MED12L: variants seen among roughly 807,000 people sequenced by gnomAD.
MED12L encodes mediator complex subunit 12L, also known as mediator of RNA polymerase II transcription subunit 12-like protein.
Under a neutral mutation model 281.3 loss-of-function variants are expected in MED12L, and 60 were observed. The observed-to-expected ratio is 0.21, with a 90% CI of 0.17 to 0.26. The LOEUF (loss-of-function observed/expected upper bound fraction) is 0.26, where lower values mean the gene tolerates loss of function less well. MED12L is among the 10% of genes least tolerant of loss of function. The pLI is 1.00. For missense variants in MED12L, 2,146 were observed against 2,680.9 expected (o/e 0.80, Z 4.41); for synonymous variants, 974 against 987.2 (o/e 0.99, Z 0.25).
intron 43 of MED12L, among the ~76,000 whole-genome samples, chr3:151,424,818 C>T (rs965290276): frequency 1.3e-5 from 2 of 152,146 alleles, no homozygotes; most frequent in African/African-American, 2.4e-5. Context: ...CCTTCCGCTG[C>T]CGCTTGTAGG....
chr3:151,331,670 T>C (rs1560037946), intron 16 of MED12L, among the ~76,000 whole-genome samples: 1 of 152,194 alleles, frequency 6.6e-6, no homozygotes, highest in Non-Finnish European at 1.5e-5. Context: ...TAGGAGCCTA[T>C]CAAATGGGAA....
At chr3:151,332,023 G>A (rs1006255064) in intron 16 of MED12L, among the ~76,000 whole-genome samples, 1 of 152,194 alleles carries the variant, frequency 6.6e-6, no homozygotes, top group East Asian at 1.9e-4. Context: ...GAAAGTTCCT[G>A]ATGTGTGAGA....
At chr3:151,197,034 A>T (rs77912227) in intron 16 of MED12L, among the ~76,000 whole-genome samples, 1 of 152,202 alleles carries the variant, frequency 6.6e-6, no homozygotes. Flanking sequence ...AATTTTTCCA[A>T]TATTCTTTTT....
chr3:151,416,510 C>A, intron 43 of MED12L, 88 bp downstream of exon 43: 1 of 1,421,372 alleles, frequency 7.0e-7, no homozygotes, highest in Non-Finnish European at 9.6e-7. Context: ...TGTTAAGAAT[C>A]GACAAAGCCT....
chr3:151,257,099 C>T (rs1737963515), intron 16 of MED12L, among the ~76,000 whole-genome samples: 2 of 152,010 alleles, frequency 1.3e-5, no homozygotes, highest in Admixed American at 1.3e-4. Flanking sequence ...AAAAGAAATG[C>T]TTATGAGAGA....
intron 16 of MED12L, among the ~76,000 whole-genome samples, chr3:151,232,728 C>G (rs1731939726): frequency 6.6e-6 from 1 of 152,070 alleles, no homozygotes; most frequent in South Asian, 2.1e-4. Flanking sequence ...TAAGTGGGAG[C>G]TAAATCATGA....
chr3:151,277,248 C>T (rs1208496825), intron 16 of MED12L, among the ~76,000 whole-genome samples: 1 of 151,664 alleles, frequency 6.6e-6, no homozygotes, highest in African/African-American at 2.4e-5. Flanking sequence ...AGAGTTCATT[C>T]ATATATACCA....
chr3:151,297,823 T>G (rs1025548449), intron 16 of MED12L, among the ~76,000 whole-genome samples: 2 of 152,048 alleles, frequency 1.3e-5, no homozygotes, highest in Non-Finnish European at 2.9e-5. Flanking sequence ...TTAAAGATAG[T>G]CTCCAATCAG....
intron 39 of MED12L, among the ~76,000 whole-genome samples, chr3:151,404,756 T>C: frequency 6.6e-6 from 1 of 152,200 alleles, no homozygotes; most frequent in East Asian, 1.9e-4. Flanking sequence ...TAAACACTAC[T>C]GAAAAATTAC....
chr3:151,407,346 C>T (rs564616409), intron 39 of MED12L, among the ~76,000 whole-genome samples: 1 of 152,286 alleles, frequency 6.6e-6, no homozygotes, highest in Admixed American at 6.5e-5. Context: ...CAAAAGAGGG[C>T]ACGAGTGTTA....
chr3:151,181,626 C>T (rs552220498), intron 11 of MED12L, among the ~76,000 whole-genome samples: 3 of 147,826 alleles, frequency 2.0e-5, no homozygotes, highest in East Asian at 4.2e-4. Context: ...CACTCTGCTG[C>T]CCAGGCTGGA....
intron 2 of MED12L, among the ~76,000 whole-genome samples, chr3:151,112,289 T>C (rs1321654090): frequency 5.9e-5 from 9 of 151,708 alleles, no homozygotes; most frequent in Admixed American, 5.2e-4. Context: ...TTTCTTTTTT[T>C]TTTTTTTTTG....
At chr3:151,430,418 G>A (rs965764566) in intron 44 of MED12L, 38 bp downstream of exon 44, 27 of 1,608,532 alleles carry the variant, frequency 1.7e-5, no homozygotes, top group Middle Eastern at 1.6e-4. Flanking sequence ...GACAGCTCCC[G>A]GAAAATTAAA....
At position 151,435,079 on chromosome 3, in the gene MED12L, T is replaced by A; in HGVS notation, c.*2275T>A. The stretch of plus-strand genomic sequence containing the variant: ...AGAGGTTTCTTTTTTTTTTTTTTTT[T>A]TTTCTTTTCTTGCAAATGCATTCTT... On this transcript the variant is annotated 3_prime_UTR_variant, in exon 45 of 45. Transcript: ENST00000687756. 1 of 148,486 alleles carries A rather than the reference T, an allele frequency of 6.7e-6. No homozygotes were observed. Among genetic ancestry groups the A allele is most frequent in the African/African-American group, 2.5e-5 (1 of 40,326 alleles). 9.2% of individuals were successfully genotyped at this position (148,486 alleles called of 1,614,324 possible).
intron 23 of MED12L, 68 bp from the exon 24 acceptor site, chr3:151,367,578 A>G: frequency 7.0e-7 from 1 of 1,420,930 alleles, no homozygotes; most frequent in East Asian, 2.5e-5. Context: ...GCATTCTCTT[A>G]GTTATTAATC....
Position 151,127,735 on chromosome 3 carries a change from C to G in MED12L, c.397-90C>G. 4.5e-6 allele frequency: 4 copies of G among 897,152 alleles called. No individual in the cohort carries two copies. In the South Asian group the frequency reaches 5.5e-5, roughly 12 times the overall value. 55.6% of individuals were successfully genotyped at this position (897,152 alleles called of 1,614,324 possible). A position where few individuals can be genotyped will look rare whatever the true frequency, so the allele number is the denominator to read the frequency against. On this transcript the variant is annotated intron_variant, in intron 4 of 44. Coordinates refer to ENST00000687756, the MANE Select transcript of MED12L (RefSeq NM_001393769.1). ...TTAGGGCCAGCAGGTAACTTACAGA[C>G]TCTTTCTTTTGCTTCCCCTTTATTT... is the stretch of plus-strand genomic sequence containing the variant.
intron 2 of MED12L, among the ~76,000 whole-genome samples, chr3:151,112,528 C>T (rs1235493688): frequency 1.3e-5 from 2 of 152,152 alleles, no homozygotes; most frequent in African/African-American, 2.4e-5. Context: ...GCCAGTGCTC[C>T]AGGGCCATGG....
At chr3:151,416,276 C>T in intron 42 of MED12L, 36 bp from the exon 43 acceptor site, 1 of 1,612,410 alleles carries the variant, frequency 6.2e-7, no homozygotes, top group Non-Finnish European at 8.5e-7. Flanking sequence ...TTTTCTTCTT[C>T]CTTTTAAGTG....
chr3:151,224,815 T>C (rs1450628569), intron 16 of MED12L, among the ~76,000 whole-genome samples: 1 of 152,200 alleles, frequency 6.6e-6, no homozygotes, highest in Admixed American at 6.5e-5. Context: ...GCATTTGATA[T>C]CATTGATTTC....
Sources: allele counts gnomAD v4.1 joint callset (sites outside exome capture counted in the v4.1 genomes callset), GRCh38; gene constraint gnomAD v4.1.1; transcripts MANE v1.5; gene names NCBI Gene and HGNC (gene_info 2026-07-23, HGNC 2026-07-21).